Variants in DNAJB11 observed in about 807,000 individuals in gnomAD.
The protein encoded by DNAJB11 is dnaJ homolog subfamily B member 11.
Under a neutral mutation model 47.2 loss-of-function variants are expected in DNAJB11, and 30 were observed. The observed-to-expected ratio is 0.64, with a 90% CI of 0.48 to 0.86. DNAJB11 has a LOEUF of 0.86. Among genes scored for constraint, DNAJB11 ranks in the 40% least tolerant of loss-of-function variants. The pLI, the probability that DNAJB11 is intolerant of heterozygous loss-of-function variation, is 0.00. For synonymous variants in DNAJB11, 151 were observed against 159.9 expected (o/e 0.94, Z 0.42); for missense variants, 357 against 440.2 (o/e 0.81, Z 1.69).
chr3:186,581,826 A>AT (rs1715495863), intron 5 of DNAJB11, among the ~76,000 whole-genome samples, 169 bp from the exon 6 acceptor site: 1 of 152,156 alleles, frequency 6.6e-6, no homozygotes, highest in African/African-American at 2.4e-5. Flanking sequence ...TTCACCCTGG[A>AT]TTTTAGCATA....
intron 5 of DNAJB11, among the ~76,000 whole-genome samples, chr3:186,581,788 C>A (rs147690759): frequency 6.2e-4 from 95 of 152,054 alleles, no homozygotes; most frequent in African/African-American, 2.2e-3. Flanking sequence ...ATTAGAGCAG[C>A]CTTATATGTT....
At chr3:186,574,856 C>T (rs964047887) in intron 2 of DNAJB11, among the ~76,000 whole-genome samples, 1 of 152,182 alleles carries the variant, frequency 6.6e-6, no homozygotes, top group Non-Finnish European at 1.5e-5. Context: ...ATAACTCTCT[C>T]CTTCAGACTC....
chr3:186,572,385 A>G, intron 2 of DNAJB11, 134 bp downstream of exon 2: 1 of 913,502 alleles, frequency 1.1e-6, no homozygotes, highest in Non-Finnish European at 1.6e-6. Context: ...TCTATTGCCT[A>G]GGCTGGAGTG....
chr3:186,576,191 G>A (rs1293983838), intron 3 of DNAJB11, among the ~76,000 whole-genome samples: 2 of 152,178 alleles, frequency 1.3e-5, no homozygotes, highest in Admixed American at 1.3e-4. Context: ...CAATTCACGG[G>A]GACATGTGTT....
chr3:186,571,886 A>C (rs868294499), intron 1 of DNAJB11, among the ~76,000 whole-genome samples: 16 of 152,346 alleles, frequency 1.1e-4, no homozygotes, highest in Middle Eastern at 3.4e-3. Flanking sequence ...ATAGCCTCTT[A>C]CTGTGATTAC....
intron 5 of DNAJB11, 32 bp downstream of exon 5, chr3:186,581,545 G>A: frequency 6.2e-7 from 1 of 1,603,412 alleles, no homozygotes. Context: ...GTTCTACCAA[G>A]AAACACTTGT....
Position 186,577,659 on chromosome 3 carries a change from T to G in DNAJB11, c.324-9T>G. Reference sequence around the variant, plus strand: ...TTTTTTTTCCTGATGATTTTGCACTTATCTTTAGCTTCTTTGGGGATTTTG... The same window carrying G: ...TTTTTTTTCCTGATGATTTTGCACTGATCTTTAGCTTCTTTGGGGATTTTG... On this transcript the variant is annotated splice_polypyrimidine_tract_variant and intron_variant, in intron 3 of 9. Transcript: ENST00000265028. The G allele has an allele frequency of 6.4e-7, 1 of 1,561,402 alleles. No individual in the cohort carries two copies.
At chr3:186,573,654 G>A (rs1297936368) in intron 2 of DNAJB11, among the ~76,000 whole-genome samples, 1 of 152,082 alleles carries the variant, frequency 6.6e-6, no homozygotes, top group Non-Finnish European at 1.5e-5. Context: ...CAAAGTGCTG[G>A]GATTACAGGC....
intron 4 of DNAJB11, chr3:186,580,794 A>G (rs1026109266): frequency 1.3e-5 from 2 of 152,264 alleles, no homozygotes; most frequent in African/African-American, 4.8e-5. Flanking sequence ...ACATTCTTAG[A>G]GGGATCAGAA....
At chr3:186,576,875 T>A (rs2108478891) in intron 3 of DNAJB11, among the ~76,000 whole-genome samples, 2 of 152,322 alleles carry the variant, frequency 1.3e-5, no homozygotes, top group Middle Eastern at 6.8e-3. Context: ...TATTTAAGAT[T>A]CAGGGAATTC....
chr3:186,571,021 GT>G, intron 1 of DNAJB11, 56 bp downstream of exon 1: 32 of 1,003,422 alleles, frequency 3.2e-5, no homozygotes, highest in East Asian at 8.9e-5. Context: ...TTGCTGGGGG[GT>G]GGGAGGGGGT....
intron 2 of DNAJB11, among the ~76,000 whole-genome samples, chr3:186,573,372 A>G (rs1256733860): frequency 6.6e-6 from 1 of 151,996 alleles, no homozygotes; most frequent in African/African-American, 2.4e-5. Context: ...CAGGGATCCT[A>G]TGGGGCAGAA....
In DNAJB11 at chr3:186,570,815, A is replaced by G; in HGVS notation, c.-83A>G. The G allele has an allele frequency of 7.2e-7, 1 of 1,382,278 alleles. No individual in the cohort carries two copies. 85.6% of individuals were successfully genotyped at this position (1,382,278 alleles called of 1,614,324 possible). On this transcript the variant is annotated 5_prime_UTR_variant, in exon 1 of 10. Coordinates refer to ENST00000265028, the MANE Select transcript of DNAJB11 (RefSeq NM_016306.6). ...CCCCCCCGGTGTGAGGCGGCCTCAC[A>G]GGGCCGGGTGGGCTGGCGAGCCGAC...
chr3:186,583,894 A>T lies in DNAJB11; in HGVS notation c.770A>T (p.Asp257Val). The change falls in exon 8 of 10, where the codon GAT (aspartate) becomes GTT (valine). Residue 257 changes from aspartate to valine, a missense_variant. By Grantham distance (152) the Asp-to-Val change is radical. Transcript: ENST00000265028. ...CCAATATTTGAAAGGAGAGGAGATG[A>T]TTTGTACACAAATGTGACAATCTCA... ...KHPIFERRGD[D>V]LYTNVTISLV... is the part of the protein sequence containing the mutation. 2 of 1,613,724 alleles carry T rather than the reference A, an allele frequency of 1.2e-6. No individual in the cohort carries two copies. The highest frequency in any genetic ancestry group is 1.7e-6 in the Non-Finnish European group (2 of 1,179,644).
chr3:186,582,204 C>T, intron 6 of DNAJB11, 127 bp downstream of exon 6: 1 of 699,076 alleles, frequency 1.4e-6, no homozygotes, highest in South Asian at 1.9e-5. Flanking sequence ...TAATTTCCAA[C>T]ACTCTTCGGC....
At position 186,577,744 on chromosome 3, in the gene DNAJB11, A is replaced by G; in HGVS notation, c.400A>G (p.Ile134Val). The G allele has an allele frequency of 3.7e-6, 6 of 1,608,992 alleles. No homozygotes were observed. The highest frequency in any genetic ancestry group is 1.3e-5 in the African/African-American group (1 of 74,782). ...QDRNIPRGSD[I>V]IVDLEVTLEE... ...CAGAAATATTCCAAGAGGAAGTGAT[A>G]TTATTGTAGATCTAGAAGTCACTTT... The change falls in exon 4 of 10, where the codon ATT (isoleucine) becomes GTT (valine). Residue 134 changes from isoleucine (I) to valine (V), a missense_variant. Transcript: ENST00000265028.
At chr3:186,580,401 A>C (rs1715444209) in intron 4 of DNAJB11, 1 of 152,186 alleles carries the variant, frequency 6.6e-6, no homozygotes, top group Non-Finnish European at 1.5e-5. Flanking sequence ...TAGACTGCCT[A>C]GTTTAGAATC....
chr3:186,577,819 G>A lies in DNAJB11; in HGVS notation c.456+19G>A, dbSNP rs1194689745. 1 of 1,575,040 alleles carries A rather than the reference G, an allele frequency of 6.3e-7. No individual in the cohort carries two copies. The highest frequency in any genetic ancestry group is 1.2e-5 in the South Asian group (1 of 83,586). On this transcript the variant is annotated intron_variant, in intron 4 of 9. Transcript: ENST00000265028. The stretch of plus-strand genomic sequence containing the variant: ...TGTGGAAGTAAGTTCAAACAATATA[G>A]CTGTTCATATTGACTCCCAGAACTT...
In DNAJB11 at chr3:186,585,434, A is replaced by G. The variant is rs188759858; in HGVS notation, c.*26A>G. The G allele has an allele frequency of 1.3e-4, 194 of 1,545,978 alleles. No individual in the cohort carries two copies. In the African/African-American group the frequency reaches 2.2e-3, roughly 17 times the overall value. On this transcript the variant is annotated 3_prime_UTR_variant, in exon 10 of 10. Coordinates refer to ENST00000265028, the MANE Select transcript of DNAJB11 (RefSeq NM_016306.6). Reference sequence around the variant, plus strand: ...GAGTGAATAAAATTGGACTTTGTTTAAAATAAGTGAATAAGCGATATTTAT... The same window carrying G: ...GAGTGAATAAAATTGGACTTTGTTTGAAATAAGTGAATAAGCGATATTTAT...
Sources: allele counts gnomAD v4.1 joint callset (sites outside exome capture counted in the v4.1 genomes callset), GRCh38; gene constraint gnomAD v4.1.1; transcripts MANE v1.5; gene names NCBI Gene and HGNC (gene_info 2026-07-23, HGNC 2026-07-21).